Variants in SYNE3 observed in about 807,000 individuals in gnomAD.
SYNE3 encodes the protein nesprin-3.
Under a neutral mutation model 111.2 loss-of-function variants are expected in SYNE3, and 100 were observed. The observed-to-expected ratio is 0.90, with a 90% CI of 0.77 to 1.06. SYNE3 has a LOEUF of 1.06. Ranked by LOEUF, SYNE3 falls within the 50% of genes least tolerant of loss-of-function variation. SYNE3 has a pLI of 0.00. For missense variants in SYNE3, 1,160 were observed against 1,240.3 expected (o/e 0.94, Z 0.97); for synonymous variants, 547 against 533.9 (o/e 1.02, Z -0.34).
chr14:95,462,818 T>C (rs1393521786), intron 4 of SYNE3, among the ~76,000 whole-genome samples: 1 of 152,244 alleles, frequency 6.6e-6, no homozygotes, highest in Non-Finnish European at 1.5e-5. Flanking sequence ...TGGCTTTTTC[T>C]ACTGGGCCGC....
At chr14:95,449,351 G>A (rs1037031753) in intron 8 of SYNE3, 1 of 841,484 alleles carries the variant, frequency 1.2e-6, no homozygotes, top group Non-Finnish European at 1.4e-6. Context: ...GAGTGTGCGG[G>A]TGTCAGGGGA....
At position 95,516,629 on chromosome 14, in the gene SYNE3, G is replaced by A. The variant is rs1212964493; in HGVS notation, c.-48C>T. On this transcript the variant is annotated 5_prime_UTR_variant, in exon 1 of 18. Transcript: ENST00000682763. ...AGCGTGGAGGAGCGCGGCGCCGCGG[G>A]TAGCTGGGGCCGAGCCTCCTTCCCT... Among the ~76,000 whole-genome samples the A allele has an allele frequency of 6.6e-6, 1 of 151,502 alleles. No individual in the cohort carries two copies. Among genetic ancestry groups the A allele is most frequent in the East Asian group, 1.9e-4 (1 of 5,150 alleles).
At chr14:95,509,421 T>C (rs1444266481) in intron 1 of SYNE3, among the ~76,000 whole-genome samples, 1 of 152,138 alleles carries the variant, frequency 6.6e-6, no homozygotes, top group African/African-American at 2.4e-5. Context: ...CACCTACCAG[T>C]GATCTGGACC....
Position 95,411,154 on chromosome 14 carries a change from C to T in SYNE3, c.*6672G>A, listed in dbSNP as rs1192994118. ...ACAGCCTGAAGAATCCAGGTATCCT[C>T]CTTCAACAGAGAACTTAGCATTTCC... On this transcript the variant is annotated 3_prime_UTR_variant, in exon 18 of 18. Transcript: ENST00000682763. 1.3e-5 allele frequency: 2 copies of T among 152,190 alleles called. No individual in the cohort carries two copies. Among genetic ancestry groups the T allele is most frequent in the African/African-American group, 4.8e-5 (2 of 41,422 alleles). 9.4% of individuals were successfully genotyped at this position (152,190 alleles called of 1,614,324 possible).
intron 3 of SYNE3, 147 bp downstream of exon 3, chr14:95,467,648 C>T: frequency 2.2e-6 from 2 of 922,568 alleles, no homozygotes; most frequent in Non-Finnish European, 1.6e-6. Flanking sequence ...AAGAGGCAGG[C>T]AGGGCTGGCC....
intron 1 of SYNE3, among the ~76,000 whole-genome samples, chr14:95,478,576 C>G (rs1022406542): frequency 5.3e-5 from 8 of 152,212 alleles, no homozygotes; most frequent in African/African-American, 1.7e-4. Context: ...GGTAAGCCAG[C>G]CTCCCACAGC....
At chr14:95,513,446 A>G (rs115252928) in intron 1 of SYNE3, among the ~76,000 whole-genome samples, 1,524 of 152,234 alleles carry the variant, frequency 0.01, 28 homozygotes, top group African/African-American at 0.034. Flanking sequence ...AATAAAAACC[A>G]TCAGTCCTAT....
At chr14:95,426,822 T>C (rs2139358282) in intron 17 of SYNE3, among the ~76,000 whole-genome samples, 1 of 151,050 alleles carries the variant, frequency 6.6e-6, no homozygotes, top group South Asian at 2.1e-4. Flanking sequence ...CAGGCGCCTG[T>C]AGTCCCAGCT....
At chr14:95,461,908 T>C (rs1344252674) in intron 4 of SYNE3, among the ~76,000 whole-genome samples, 1 of 152,208 alleles carries the variant, frequency 6.6e-6, no homozygotes, top group Non-Finnish European at 1.5e-5. Context: ...GGGATGAGGC[T>C]AGAATCTTCC....
chr14:95,435,084 T>A (rs537430431), intron 15 of SYNE3, among the ~76,000 whole-genome samples: 1 of 152,268 alleles, frequency 6.6e-6, no homozygotes, highest in Non-Finnish European at 1.5e-5. Context: ...GAAACATTCA[T>A]AAAATGCCTT....
intron 17 of SYNE3, 48 bp downstream of exon 17, chr14:95,432,031 C>T (rs1885796773): frequency 5.6e-6 from 9 of 1,598,382 alleles, no homozygotes; most frequent in Non-Finnish European, 7.7e-6. Context: ...ACCAACCCTC[C>T]AGGCACCCTG....
At chr14:95,431,953 T>C (rs1217014450) in intron 17 of SYNE3, 126 bp downstream of exon 17, 4 of 1,107,790 alleles carry the variant, frequency 3.6e-6, no homozygotes, top group South Asian at 1.5e-5. Context: ...TGATCCCCCA[T>C]AAATGTTCTT....
chr14:95,475,630 G>A (rs77155858), intron 2 of SYNE3, 48 bp downstream of exon 2: 52,366 of 1,395,536 alleles, frequency 0.038, 1,277 homozygotes, highest in African/African-American at 0.11. Context: ...GGGCGGGGTG[G>A]GATGGGGCCA....
At chr14:95,507,526 C>A (rs553798979) in intron 1 of SYNE3, among the ~76,000 whole-genome samples, 1 of 152,184 alleles carries the variant, frequency 6.6e-6, no homozygotes, top group Non-Finnish European at 1.5e-5. Flanking sequence ...GTGAAGACTG[C>A]GGCCAGGAGA....
chr14:95,453,949 A>G (rs1329707595), intron 6 of SYNE3, among the ~76,000 whole-genome samples: 1 of 152,234 alleles, frequency 6.6e-6, no homozygotes, highest in South Asian at 2.1e-4. Context: ...GCTGGGACCT[A>G]TAATGTTGTC....
At chr14:95,505,320 G>T (rs1223981131) in intron 1 of SYNE3, among the ~76,000 whole-genome samples, 1 of 152,240 alleles carries the variant, frequency 6.6e-6, no homozygotes, top group Admixed American at 6.5e-5. Flanking sequence ...TAATCTAGCT[G>T]CACTGTCCCT....
At chr14:95,511,933 G>T (rs1321330143) in intron 1 of SYNE3, among the ~76,000 whole-genome samples, 10 of 146,786 alleles carry the variant, frequency 6.8e-5, no homozygotes, top group African/African-American at 2.7e-4. Context: ...ACCTCGGCCA[G>T]GACACTTCGT....
At chr14:95,497,470 A>G (rs1363129446) in intron 1 of SYNE3, among the ~76,000 whole-genome samples, 1 of 152,248 alleles carries the variant, frequency 6.6e-6, no homozygotes, top group African/African-American at 2.4e-5. Context: ...AAAAGATGCA[A>G]TATAACAGTC....
At position 95,432,633 on chromosome 14, in the gene SYNE3, CTATTATTATTATTATTATTAT is replaced by C. The variant is rs3036482; in HGVS notation, c.2689-537_2689-517del. On this transcript the variant is annotated intron_variant, in intron 16 of 17. Coordinates refer to ENST00000682763, the MANE Select transcript of SYNE3 (RefSeq NM_152592.6). ...AAGGTTATGATCATTACTAGTTTTG[CTATTATTATTATTATTATTAT>C]TATTATTATTATTATTATTATTATT... Among the ~76,000 whole-genome samples the C allele has an allele frequency of 1.5e-4, 21 of 142,478 alleles. No individual in the cohort carries two copies. In the East Asian group the frequency reaches 1.6e-3, roughly 11 times the overall value. 93.5% of individuals were successfully genotyped at this position (142,478 alleles called of 152,430 possible).
Sources: allele counts gnomAD v4.1 joint callset (sites outside exome capture counted in the v4.1 genomes callset), GRCh38; gene constraint gnomAD v4.1.1; transcripts MANE v1.5; gene names NCBI Gene and HGNC (gene_info 2026-07-23, HGNC 2026-07-21).